Variants in TMEM63C observed in about 807,000 individuals in gnomAD.
The protein encoded by TMEM63C is osmosensitive cation channel TMEM63C.
A neutral mutation model predicts 99.2 loss-of-function variants in TMEM63C; 32 were observed. The ratio of observed to expected loss-of-function variants is 0.32; its 90% CI spans 0.24 to 0.43. The LOEUF (loss-of-function observed/expected upper bound fraction) is 0.43, where lower values mean the gene tolerates loss of function less well. Ranked by LOEUF, TMEM63C falls within the 20% of genes least tolerant of loss-of-function variation. The probability of loss-of-function intolerance (pLI) is 1.00; values close to 1 mark genes in which losing one functional copy is unlikely to be tolerated. For synonymous variants in TMEM63C, 376 were observed against 397.9 expected (o/e 0.94, Z 0.66); for missense variants, 826 against 1,053.0 (o/e 0.78, Z 2.98).
chr14:77,215,278 C>A (rs1797690451), intron 2 of TMEM63C, among the ~76,000 whole-genome samples: 1 of 152,100 alleles, frequency 6.6e-6, no homozygotes, highest in Admixed American at 6.6e-5. Context: ...TCACACTGGG[C>A]TGAGACCTCA....
Position 77,219,841 on chromosome 14 carries a change from T to C in TMEM63C, c.231-165T>C, listed in dbSNP as rs138001959. ...CCTGGTGTACCTGGCACAGGGGCGATTGCTGTCTGTGCCCAGAGCTGTGTG... is the reference window on the plus strand; with the variant it reads ...CCTGGTGTACCTGGCACAGGGGCGACTGCTGTCTGTGCCCAGAGCTGTGTG... On this transcript the variant is annotated intron_variant, in intron 4 of 23. Coordinates refer to ENST00000298351, the MANE Select transcript of TMEM63C (RefSeq NM_020431.4). Among the ~76,000 whole-genome samples the C allele has an allele frequency of 7.9e-5, 12 of 152,308 alleles. No individual in the cohort carries two copies. In the East Asian group the frequency reaches 1.2e-3, roughly 15 times the overall value.
In TMEM63C at chr14:77,248,341, G is replaced by A. The variant is rs370326966; in HGVS notation, c.1602-6G>A. ...GTTGCCACCTTCCCTCTCCCTCACT[G>A]CCCAGGTGTGTGTTCCTGCCAGACA... On this transcript the variant is annotated splice_region_variant and splice_polypyrimidine_tract_variant and intron_variant, in intron 18 of 23. Transcript: ENST00000298351. 7.5e-6 allele frequency: 12 copies of A among 1,605,234 alleles called. No individual in the cohort carries two copies. In the African/African-American group the frequency reaches 1.6e-4, roughly 22 times the overall value.
intron 15 of TMEM63C, among the ~76,000 whole-genome samples, chr14:77,243,638 G>A (rs1341104722): frequency 6.6e-6 from 1 of 152,130 alleles, no homozygotes; most frequent in African/African-American, 2.4e-5. Context: ...TCCTGCTGAT[G>A]GTGCAGGTCA....
At chr14:77,211,562 C>T (rs1406139749) in intron 1 of TMEM63C, among the ~76,000 whole-genome samples, 2 of 152,190 alleles carry the variant, frequency 1.3e-5, no homozygotes, top group Non-Finnish European at 2.9e-5. Context: ...AGATGTCTAA[C>T]TCATCTGGAA....
At chr14:77,256,392 G>A (rs1889461186) in intron 23 of TMEM63C, 134 bp from the exon 24 acceptor site, 1 of 826,556 alleles carries the variant, frequency 1.2e-6, no homozygotes, top group Non-Finnish European at 2.0e-6. Flanking sequence ...GACCCAGGCT[G>A]CTGGGGAAGA....
intron 7 of TMEM63C, among the ~76,000 whole-genome samples, chr14:77,232,534 C>T (rs528705811): frequency 1.3e-5 from 2 of 152,274 alleles, no homozygotes; most frequent in South Asian, 2.1e-4. Context: ...GTGATCCGCC[C>T]GCCTTGGCCT....
chr14:77,252,052 G>GTGCA (rs1566632453), intron 22 of TMEM63C, among the ~76,000 whole-genome samples, 154 bp downstream of exon 22: 1 of 141,240 alleles, frequency 7.1e-6, no homozygotes. Context: ...GTGTGCATGC[G>GTGCA]TGCATGCATG....
intron 2 of TMEM63C, among the ~76,000 whole-genome samples, chr14:77,215,614 A>AAAAGAAAAGAAAAGAAAAGAAAAGAAAAG (rs1555347251): frequency 1.3e-5 from 1 of 76,550 alleles, no homozygotes; most frequent in East Asian, 4.5e-4. Flanking sequence ...AAAAAAAAAA[A>AAAAGAAAAGAAAAGAAAAGAAAAGAAAAG]AAAAGAAAAG....
chr14:77,204,762 T>C (rs1315510803), intron 1 of TMEM63C, among the ~76,000 whole-genome samples: 2 of 152,228 alleles, frequency 1.3e-5, no homozygotes, highest in Admixed American at 6.5e-5. Context: ...TTCATGTGAG[T>C]TGGCTCTATT....
rs1172722801 is a variant in TMEM63C at position 77,250,461 on chromosome 14, A to G, written c.2038+1003A>G. On this transcript the variant is annotated intron_variant, in intron 21 of 23. Transcript: ENST00000298351. Reference sequence around the variant, plus strand: ...TTTTTTTTTTCTTTTGTTTTTAGAGACGGAGTCTCGCTCTGTCGCCCAGGC... The same window carrying G: ...TTTTTTTTTTCTTTTGTTTTTAGAGGCGGAGTCTCGCTCTGTCGCCCAGGC... 6.2e-5 allele frequency among the ~76,000 whole-genome samples: 9 copies of G among 146,170 alleles called. No individual in the cohort carries two copies. The East Asian group carries it at 8.0e-4, about 13-fold the overall frequency.
chr14:77,255,393 T>TA (rs571478749), intron 23 of TMEM63C, among the ~76,000 whole-genome samples: 63 of 152,384 alleles, frequency 4.1e-4, no homozygotes, highest in African/African-American at 1.5e-3. Flanking sequence ...GTTCCAGAAG[T>TA]ATCTTTTAGA....
At chr14:77,237,621 T>C (rs67366981) in intron 9 of TMEM63C, among the ~76,000 whole-genome samples, 23,228 of 152,260 alleles carry the variant, frequency 0.15, 1,923 homozygotes, top group African/African-American at 0.22. Context: ...CCACCGTTCA[T>C]TGAGGGTTGC....
rs1345821414 is a variant in TMEM63C, at chr14:77,256,550, G to C, written c.2245G>C (p.Glu749Gln). 6.2e-7 allele frequency: 1 copy of C among 1,614,010 alleles called. No homozygotes were observed. Among genetic ancestry groups the C allele is most frequent in the Admixed American group, 1.7e-5 (1 of 60,022 alleles). ...SLLYVATVLQ[E>Q]PELNLTPASS... ...GCTGTATGTGGCCACCGTGCTGCAAGAACCGGAGTTGAATCTGACCCCCGC... is the reference window on the plus strand; with the variant it reads ...GCTGTATGTGGCCACCGTGCTGCAACAACCGGAGTTGAATCTGACCCCCGC... Residue 749 changes from glutamate to glutamine, a missense_variant, in exon 24 of 24, where the codon GAA (glutamate) becomes CAA (glutamine). Coordinates refer to ENST00000298351, the MANE Select transcript of TMEM63C (RefSeq NM_020431.4).
At position 77,236,706 on chromosome 14, in the gene TMEM63C, G is replaced by A. The variant is rs758876190; in HGVS notation, c.625G>A (p.Gly209Arg). 5 of 1,612,544 alleles carry A rather than the reference G, an allele frequency of 3.1e-6. No homozygotes were observed. The African/African-American group carries it at 5.4e-5, about 17-fold the overall frequency. ...CATGTTCATGGCTCATCACTGCCTG[G>A]GGTTTGCACCCAGGAATAGCCAAAA... ...NFMFMAHHCL[G>R]FAPRNSQKVT... is the part of the protein sequence containing the mutation. The change falls in exon 9 of 24, where the codon GGG (glycine) becomes AGG (arginine). Residue 209 changes from glycine (G) to arginine (R), a missense_variant. By Grantham distance (125) the Gly-to-Arg change is moderately radical (BLOSUM62 -2). Coordinates refer to ENST00000298351, the MANE Select transcript of TMEM63C (RefSeq NM_020431.4).
chr14:77,199,158 C>A (rs1888256718), intron 1 of TMEM63C, among the ~76,000 whole-genome samples: 1 of 152,194 alleles, frequency 6.6e-6, no homozygotes. Context: ...TCAGGACAGA[C>A]CTCACTGGAA....
At chr14:77,203,062 T>A (rs1274681382) in intron 1 of TMEM63C, among the ~76,000 whole-genome samples, 1 of 152,192 alleles carries the variant, frequency 6.6e-6, no homozygotes. Flanking sequence ...CGGTTAGGTA[T>A]GCATATAGTA....
At chr14:77,183,725 G>GC (rs1307914671) in intron 1 of TMEM63C, among the ~76,000 whole-genome samples, 2 of 152,188 alleles carry the variant, frequency 1.3e-5, no homozygotes, top group Non-Finnish European at 2.9e-5. Flanking sequence ...CCTGACGCTG[G>GC]CCCCTGCTGG....
In TMEM63C at chr14:77,242,582, T is replaced by A. The variant is rs1222056277; in HGVS notation, c.1187+113T>A. ...TGCCCAACAGAGACTCCAAGGGGACTAAGTTCCATGCTCTCCTAAGCACCA... is the reference window on the plus strand; with the variant it reads ...TGCCCAACAGAGACTCCAAGGGGACAAAGTTCCATGCTCTCCTAAGCACCA... On this transcript the variant is annotated intron_variant, in intron 14 of 23. Coordinates refer to ENST00000298351, the MANE Select transcript of TMEM63C (RefSeq NM_020431.4). 53 of 1,380,600 alleles carry A rather than the reference T, an allele frequency of 3.8e-5. No homozygotes were observed. The Middle Eastern group carries it at 3.9e-3, about 102-fold the overall frequency. 85.5% of individuals were successfully genotyped at this position (1,380,600 alleles called of 1,614,324 possible).
intron 23 of TMEM63C, among the ~76,000 whole-genome samples, chr14:77,254,878 G>A (rs753325921): frequency 2.5e-4 from 38 of 152,192 alleles, no homozygotes; most frequent in Non-Finnish European, 5.0e-4. Context: ...GATGACCACT[G>A]ATAGTGTATT....
Sources: allele counts gnomAD v4.1 joint callset (sites outside exome capture counted in the v4.1 genomes callset), GRCh38; gene constraint gnomAD v4.1.1; transcripts MANE v1.5; gene names NCBI Gene and HGNC (gene_info 2026-07-23, HGNC 2026-07-21).